Variants in CCSER2 observed in about 807,000 individuals in gnomAD.
CCSER2 encodes coiled-coil serine rich protein 2, also known as serine-rich coiled-coil domain-containing protein 2.
In CCSER2, 46 loss-of-function variants were observed where a neutral mutation model predicts 92.3. That is an observed-to-expected ratio of 0.50 (90% confidence interval 0.39 to 0.64). The LOEUF is 0.64. CCSER2 is among the 30% of genes least tolerant of loss of function. The probability of loss-of-function intolerance (pLI) is 0.00; values close to 1 mark genes in which losing one functional copy is unlikely to be tolerated. For missense variants in CCSER2, 1,244 were observed against 1,238.9 expected (o/e 1.00, Z -0.06); for synonymous variants, 433 against 431.4 (o/e 1.00, Z -0.04).
At chr10:84,373,923 G>A in intron 3 of CCSER2, 108 bp downstream of exon 3, 1 of 1,523,776 alleles carries the variant, frequency 6.6e-7, no homozygotes, top group East Asian at 2.5e-5. Context: ...TTACTACTTT[G>A]AGAAATGGAA....
intron 5 of CCSER2, among the ~76,000 whole-genome samples, chr10:84,428,545 A>T (rs570908187): frequency 6.6e-6 from 1 of 152,172 alleles, no homozygotes; most frequent in East Asian, 1.9e-4. Flanking sequence ...TATATACAAG[A>T]TATGTTATCT....
intron 3 of CCSER2, among the ~76,000 whole-genome samples, chr10:84,378,972 CA>C: frequency 6.6e-6 from 1 of 152,250 alleles, no homozygotes; most frequent in Non-Finnish European, 1.5e-5. Context: ...GTTTTGGTAT[CA>C]AGATCATGCT....
At chr10:84,426,866 A>G (rs1043862616) in intron 5 of CCSER2, among the ~76,000 whole-genome samples, 4 of 152,160 alleles carry the variant, frequency 2.6e-5, no homozygotes, top group African/African-American at 4.8e-5. Context: ...TTAATTTGTC[A>G]GAAAAGTTAA....
At chr10:84,495,834 T>C (rs1848419356) in intron 9 of CCSER2, among the ~76,000 whole-genome samples, 1 of 150,878 alleles carries the variant, frequency 6.6e-6, no homozygotes. Context: ...ATATATATTT[T>C]TATACCTAAC....
intron 3 of CCSER2, among the ~76,000 whole-genome samples, chr10:84,396,778 C>T (rs1308653164): frequency 3.9e-5 from 6 of 152,092 alleles, no homozygotes; most frequent in South Asian, 2.1e-4. Flanking sequence ...CTTAAGTGAT[C>T]GACCCGTCTT....
intron 5 of CCSER2, among the ~76,000 whole-genome samples, chr10:84,437,620 C>T (rs1299297762): frequency 1.3e-5 from 2 of 151,960 alleles, no homozygotes; most frequent in East Asian, 1.9e-4. Flanking sequence ...GCTTTTTACT[C>T]CCATGAAACA....
chr10:84,485,426 C>A (rs1847747201), intron 9 of CCSER2, among the ~76,000 whole-genome samples: 2 of 152,246 alleles, frequency 1.3e-5, no homozygotes, highest in Admixed American at 1.3e-4. Flanking sequence ...TGTTTTACAT[C>A]TTTATAATTT....
intron 6 of CCSER2, among the ~76,000 whole-genome samples, chr10:84,457,555 AT>A: frequency 8.6e-6 from 1 of 116,474 alleles, no homozygotes; most frequent in Admixed American, 1.2e-4. Context: ...AATGTATATT[AT>A]TATATATAAA....
At position 84,457,023 on chromosome 10, in the gene CCSER2, A is replaced by G. The variant is rs940637507; in HGVS notation, c.2065-6910A>G. On this transcript the variant is annotated intron_variant, in intron 6 of 9. Coordinates refer to ENST00000372088, the MANE Select transcript of CCSER2 (RefSeq NM_001284240.2). ...AATGGATATTTTTAAAAATGGGACT[A>G]GCTTTTTGGGCAACTATGTACAATT... Among the ~76,000 whole-genome samples, 9 of 150,516 alleles carry G rather than the reference A, an allele frequency of 6.0e-5. No homozygotes were observed. The Admixed American group carries it at 6.1e-4, about 10-fold the overall frequency.
At chr10:84,442,873 C>A (rs1844661723) in intron 6 of CCSER2, among the ~76,000 whole-genome samples, 2 of 152,108 alleles carry the variant, frequency 1.3e-5, no homozygotes, top group South Asian at 4.1e-4. Flanking sequence ...CTTTGACAAA[C>A]CTGACAAAAA....
At chr10:84,494,121 A>C (rs9664967) in intron 9 of CCSER2, among the ~76,000 whole-genome samples, 2 of 152,190 alleles carry the variant, frequency 1.3e-5, no homozygotes, top group African/African-American at 2.4e-5. Flanking sequence ...CTTCAACTCA[A>C]CTGGCCTGCT....
intron 1 of CCSER2, among the ~76,000 whole-genome samples, chr10:84,352,695 A>G (rs1250201861): frequency 4.6e-5 from 7 of 152,038 alleles, no homozygotes; most frequent in Non-Finnish European, 7.4e-5. Flanking sequence ...ACTTGGACAA[A>G]TTACTTAACT....
intron 6 of CCSER2, chr10:84,455,674 C>A: frequency 1.4e-6 from 1 of 717,758 alleles, no homozygotes; most frequent in South Asian, 1.4e-5. Flanking sequence ...TGTTCACAGT[C>A]ATGGAGTAAC....
chr10:84,412,835 C>T (rs1355585225), intron 3 of CCSER2, among the ~76,000 whole-genome samples: 1 of 152,166 alleles, frequency 6.6e-6, no homozygotes, highest in African/African-American at 2.4e-5. Flanking sequence ...TAAGCCCTGC[C>T]TCAGCTTCTC....
At chr10:84,507,670 T>C (rs1012991807) in intron 9 of CCSER2, among the ~76,000 whole-genome samples, 8 of 152,192 alleles carry the variant, frequency 5.3e-5, no homozygotes, top group Non-Finnish European at 1.0e-4. Context: ...CTAATAACCC[T>C]AGAACAAGAA....
chr10:84,434,982 C>T (rs2133483560), intron 5 of CCSER2, among the ~76,000 whole-genome samples: 1 of 152,038 alleles, frequency 6.6e-6, no homozygotes, highest in Non-Finnish European at 1.5e-5. Context: ...TTTCTTTATG[C>T]TGTGAAACAA....
chr10:84,389,445 C>G, intron 3 of CCSER2: 1 of 433,362 alleles, frequency 2.3e-6, no homozygotes. Flanking sequence ...GAAGGTACCA[C>G]GTCAATCTGG....
At chr10:84,406,909 C>T (rs1229936203) in intron 3 of CCSER2, among the ~76,000 whole-genome samples, 2 of 151,802 alleles carry the variant, frequency 1.3e-5, no homozygotes, top group African/African-American at 2.4e-5. Flanking sequence ...TTTTTTTTCT[C>T]CTATTACCTG....
intron 5 of CCSER2, among the ~76,000 whole-genome samples, chr10:84,431,892 C>A (rs956862645): frequency 6.6e-6 from 1 of 152,166 alleles, no homozygotes; most frequent in Non-Finnish European, 1.5e-5. Context: ...CACGGGCGTA[C>A]ATTTTTCACC....
Sources: allele counts gnomAD v4.1 joint callset (sites outside exome capture counted in the v4.1 genomes callset), GRCh38; gene constraint gnomAD v4.1.1; transcripts MANE v1.5; gene names NCBI Gene and HGNC (gene_info 2026-07-23, HGNC 2026-07-21).